MICAL3: variants seen among roughly 807,000 people sequenced by gnomAD.
The protein encoded by MICAL3 is microtubule associated monooxygenase, calponin and LIM domain containing 3.
Under a neutral mutation model 207.4 loss-of-function variants are expected in MICAL3, and 62 were observed. That is an observed-to-expected ratio of 0.30 (90% CI 0.24 to 0.37). The LOEUF is 0.37. Ranked by LOEUF, MICAL3 falls within the 10% of genes least tolerant of loss-of-function variation. The pLI, the probability that MICAL3 is intolerant of heterozygous loss-of-function variation, is 1.00. For missense variants in MICAL3, 2,368 were observed against 2,635.6 expected (o/e 0.90, Z 2.22); for synonymous variants, 1,077 against 1,069.3 (o/e 1.01, Z -0.14).
At chr22:17,886,719 C>T (rs1035461076) in intron 15 of MICAL3, among the ~76,000 whole-genome samples, 14 of 150,736 alleles carry the variant, frequency 9.3e-5, no homozygotes, top group African/African-American at 3.4e-4. Flanking sequence ...GCATGAGAAT[C>T]GCTTGAACCC....
intron 1 of MICAL3, among the ~76,000 whole-genome samples, chr22:17,988,264 T>A (rs927573602): frequency 2.0e-5 from 3 of 152,188 alleles, no homozygotes; most frequent in Non-Finnish European, 4.4e-5. Flanking sequence ...CTTTCTATCT[T>A]ATCAGTGTCC....
intron 22 of MICAL3, among the ~76,000 whole-genome samples, chr22:17,825,130 C>T (rs150286282): frequency 2.6e-4 from 39 of 152,278 alleles, no homozygotes; most frequent in South Asian, 1.0e-3. Flanking sequence ...AGCCTGATCC[C>T]GCCCTGGTGC....
At position 17,822,016 on chromosome 22, in the gene MICAL3, A is replaced by T; in HGVS notation, c.3448+14T>A. 6.2e-7 allele frequency: 1 copy of T among 1,612,748 alleles called. No homozygotes were observed. Among genetic ancestry groups the T allele is most frequent in the Non-Finnish European group, 8.5e-7 (1 of 1,179,410 alleles). ...AATTCTGAAAGTTGTTTCTCCCATC[A>T]AAGACAGGCTCACCTCTCTCTTGGT... On this transcript the variant is annotated intron_variant, in intron 24 of 31. Transcript: ENST00000441493.
Position 17,791,214 on chromosome 22 carries a change from T to C in MICAL3, c.5738A>G (p.Glu1913Gly), listed in dbSNP as rs2061821015. 3 of 1,613,756 alleles carry C rather than the reference T, an allele frequency of 1.9e-6. No individual in the cohort carries two copies. Among genetic ancestry groups the C allele is most frequent in the Non-Finnish European group, 2.5e-6 (3 of 1,179,842 alleles). Residue 1913 changes from glutamate to glycine, a missense_variant, in exon 30 of 32, where the codon GAG (glutamate) becomes GGG (glycine). Glu to Gly is a moderately conservative substitution (Grantham distance 98). Around this residue, in one of 4 missense-constraint regions of MICAL3, gnomAD observed 1,770 missense variants for 1,863.2 expected, o/e 0.95. Coordinates refer to ENST00000441493, the MANE Select transcript of MICAL3 (RefSeq NM_015241.3). The part of the protein sequence containing the change: ...EKNAMVRYES[E>G]LMIFARELEL... ...CAAGGCCACTCACAAGATCATCAGC[T>C]CCGACTCGTAGCGCACCATGGCGTT...
chr22:17,927,602 C>T (rs1046333349), intron 1 of MICAL3, among the ~76,000 whole-genome samples: 3 of 152,192 alleles, frequency 2.0e-5, no homozygotes, highest in African/African-American at 4.8e-5. Flanking sequence ...CAGCCCCCGA[C>T]ATCTGCCTGC....
intron 20 of MICAL3, among the ~76,000 whole-genome samples, chr22:17,839,258 ATTTTTT>A (rs58568915): frequency 9.1e-6 from 1 of 110,392 alleles, no homozygotes; most frequent in Non-Finnish European, 1.8e-5. Context: ...CGGGCTCTTC[ATTTTTT>A]TTTTTTTTTT....
rs1186196172 is a variant in MICAL3, at chr22:17,900,890, C to A, written c.799G>T (p.Ala267Ser). ...EAKVEEISGVAFIFNQKFFQE... is the reference protein window; with the variant it reads ...EAKVEEISGVSFIFNQKFFQE... Reference sequence around the variant, plus strand: ...AAAAATTTTTGGTTGAATATAAAAGCCACACCACTGATCTCTTCCACTTTA... The same window carrying A: ...AAAAATTTTTGGTTGAATATAAAAGACACACCACTGATCTCTTCCACTTTA... Residue 267 changes from alanine to serine, a missense_variant, in exon 6 of 32, where the codon GCT becomes TCT. By Grantham distance (99) the Ala-to-Ser change is moderately conservative. This residue lies in a region of MICAL3 where 400 missense variants were observed against 547.0 expected (regional missense o/e 0.73). Transcript: ENST00000441493. The surrounding 1 kb of genome is among the most constrained non-coding windows in gnomAD (Gnocchi z 4.0). The A allele has an allele frequency of 1.2e-6, 2 of 1,614,012 alleles. No individual in the cohort carries two copies. The highest frequency in any genetic ancestry group is 1.7e-6 in the Non-Finnish European group (2 of 1,179,888).
At chr22:17,846,490 G>T (rs1924642466) in intron 19 of MICAL3, among the ~76,000 whole-genome samples, 2 of 152,322 alleles carry the variant, frequency 1.3e-5, no homozygotes, top group South Asian at 4.1e-4. Context: ...GAATCAGGCG[G>T]TGATGAGAAA....
chr22:17,952,919 CAT>C (rs1395537849), intron 1 of MICAL3, among the ~76,000 whole-genome samples: 2 of 152,198 alleles, frequency 1.3e-5, no homozygotes, highest in African/African-American at 4.8e-5. Context: ...ACGGTTGTAA[CAT>C]ATGTAAAATG....
chr22:17,848,179 C>T (rs544067313), intron 19 of MICAL3, among the ~76,000 whole-genome samples: 33 of 152,322 alleles, frequency 2.2e-4, no homozygotes, highest in African/African-American at 6.7e-4. Flanking sequence ...CAGTGACGTT[C>T]GTGCTGCCTG....
intron 29 of MICAL3, among the ~76,000 whole-genome samples, chr22:17,808,028 C>A (rs574014857): frequency 6.6e-6 from 1 of 152,272 alleles, no homozygotes; most frequent in Non-Finnish European, 1.5e-5. Context: ...ACTGCACCCC[C>A]GGGGCTGGTC....
intron 1 of MICAL3, chr22:18,019,725 G>C (rs1259289103): frequency 5.0e-6 from 1 of 200,504 alleles, no homozygotes; most frequent in Non-Finnish European, 1.1e-5. Flanking sequence ...AAGAAAAAAA[G>C]GGTGATCAGG....
At chr22:17,931,334 A>T (rs889881218) in intron 1 of MICAL3, among the ~76,000 whole-genome samples, 1 of 152,226 alleles carries the variant, frequency 6.6e-6, no homozygotes, top group Non-Finnish European at 1.5e-5. Flanking sequence ...AGGGTATCGC[A>T]TAAGTGGTCT....
At chr22:17,943,206 G>A (rs1334291330) in intron 1 of MICAL3, among the ~76,000 whole-genome samples, 1 of 151,792 alleles carries the variant, frequency 6.6e-6, no homozygotes, top group East Asian at 1.9e-4. Flanking sequence ...TCTGTCACCC[G>A]GGCTTGAGTG....
intron 1 of MICAL3, among the ~76,000 whole-genome samples, chr22:17,999,916 G>T (rs1339810038): frequency 6.6e-6 from 1 of 152,168 alleles, no homozygotes; most frequent in East Asian, 1.9e-4. Flanking sequence ...ACAATCTGGG[G>T]CTGGATTTCT....
chr22:17,940,409 A>C (rs1933752609), intron 1 of MICAL3, among the ~76,000 whole-genome samples: 1 of 152,158 alleles, frequency 6.6e-6, no homozygotes, highest in Non-Finnish European at 1.5e-5. Context: ...TGTCTGAAGA[A>C]GGAAGGAAGG....
chr22:17,957,774 G>T (rs988039662), intron 1 of MICAL3, among the ~76,000 whole-genome samples: 3 of 148,952 alleles, frequency 2.0e-5, no homozygotes, highest in Non-Finnish European at 4.5e-5. Flanking sequence ...ATGAAAGAAC[G>T]AAAGAAAGAA....
intron 1 of MICAL3, among the ~76,000 whole-genome samples, chr22:17,945,226 A>G (rs528728477): frequency 4.9e-4 from 75 of 152,104 alleles, no homozygotes; most frequent in Middle Eastern, 3.4e-3. Flanking sequence ...CCCAATCCCC[A>G]TATTTCTTTC....
intron 1 of MICAL3, among the ~76,000 whole-genome samples, chr22:18,011,342 C>T (rs947607074): frequency 6.6e-6 from 1 of 150,930 alleles, no homozygotes; most frequent in African/African-American, 2.4e-5. Flanking sequence ...GGTCGGAGTT[C>T]GAGACCAGCC....
Sources: gnomAD v4.1 joint callset for allele counts (sites outside exome capture counted in the v4.1 genomes callset) on GRCh38, gnomAD v4.1.1 for gene constraint, gnomAD v4.1.1 regional missense constraint, Gnocchi (gnomAD v3.1) non-coding constraint, MANE v1.5 for transcripts, NCBI Gene and HGNC (gene_info 2026-07-23, HGNC 2026-07-21) for gene names.